The following SLX4IP variants were observed in gnomAD, a reference collection of about 807,000 sequenced individuals.
SLX4IP encodes SLX4 interacting protein, also known as protein SLX4IP.
In SLX4IP, 34 loss-of-function variants were observed where a neutral mutation model predicts 32.9. That is an observed-to-expected ratio of 1.03 (90% confidence interval 0.79 to 1.38). The LOEUF is 1.38. SLX4IP is among the 40% of genes most tolerant of loss of function. The pLI is 0.00. For missense variants in SLX4IP, 444 were observed against 479.0 expected (o/e 0.93, Z 0.68); for synonymous variants, 172 against 171.7 (o/e 1.00, Z -0.01).
chr20:10,476,143 T>TGC (rs3063253), intron 2 of SLX4IP, among the ~76,000 whole-genome samples: 58 of 13,574 alleles, frequency 4.3e-3, no homozygotes, highest in Non-Finnish European at 9.5e-3. Context: ...CATCCCTCAC[T>TGC]GTGTGTGTGT....
intron 2 of SLX4IP, among the ~76,000 whole-genome samples, chr20:10,481,172 T>A (rs868353801): frequency 6.6e-6 from 1 of 152,124 alleles, no homozygotes; most frequent in African/African-American, 2.4e-5. Flanking sequence ...TTGTATAAAT[T>A]TAGGGGGTTC....
intron 2 of SLX4IP, among the ~76,000 whole-genome samples, chr20:10,507,537 G>A (rs2065769789): frequency 6.6e-6 from 1 of 152,006 alleles, no homozygotes; most frequent in East Asian, 1.9e-4. Flanking sequence ...AATGAACCCA[G>A]CATAAACTTA....
At chr20:10,474,673 C>T (rs772017796) in intron 2 of SLX4IP, among the ~76,000 whole-genome samples, 7 of 152,238 alleles carry the variant, frequency 4.6e-5, no homozygotes, top group African/African-American at 9.6e-5. Context: ...TCTCCACTTC[C>T]GCCGGCCGCC....
intron 7 of SLX4IP, 151 bp downstream of exon 7, chr20:10,621,565 G>A (rs1568778810): frequency 1.5e-6 from 1 of 680,046 alleles, no homozygotes; most frequent in Non-Finnish European, 2.6e-6. Flanking sequence ...TGACTCTCTT[G>A]CTTTCTGGAC....
intron 1 of SLX4IP, among the ~76,000 whole-genome samples, chr20:10,439,213 T>C (rs191645628): frequency 9.0e-4 from 137 of 152,298 alleles, no homozygotes; most frequent in African/African-American, 2.8e-3. Context: ...AAAAACGTTT[T>C]TTTCTTTTTT....
At chr20:10,496,461 C>A (rs1332073113) in intron 2 of SLX4IP, among the ~76,000 whole-genome samples, 2 of 152,114 alleles carry the variant, frequency 1.3e-5, no homozygotes, top group Non-Finnish European at 2.9e-5. Context: ...GAGTCACAAA[C>A]AAATAGGAGT....
chr20:10,621,704 GAA>G (rs201369424), intron 7 of SLX4IP, among the ~76,000 whole-genome samples: 8 of 147,146 alleles, frequency 5.4e-5, no homozygotes, highest in Non-Finnish European at 1.1e-4. Context: ...GACAGATCTA[GAA>G]AAAAAAAAAT....
intron 2 of SLX4IP, among the ~76,000 whole-genome samples, chr20:10,536,674 A>G (rs2066048366): frequency 6.6e-6 from 1 of 152,224 alleles, no homozygotes; most frequent in African/African-American, 2.4e-5. Flanking sequence ...AATGCTACAA[A>G]CGTACTGAGT....
chr20:10,567,376 A>T (rs1011479956), intron 4 of SLX4IP, among the ~76,000 whole-genome samples: 2 of 152,158 alleles, frequency 1.3e-5, no homozygotes, highest in African/African-American at 4.8e-5. Context: ...ATGTTGTTTT[A>T]AAAGGGCTTG....
At chr20:10,503,085 C>A (rs1394717268) in intron 2 of SLX4IP, among the ~76,000 whole-genome samples, 1 of 152,020 alleles carries the variant, frequency 6.6e-6, no homozygotes, top group East Asian at 2.0e-4. Flanking sequence ...AGCATTGATA[C>A]AACTGTTGGC....
chr20:10,541,370 A>G (rs541874557), intron 2 of SLX4IP, among the ~76,000 whole-genome samples: 82 of 152,252 alleles, frequency 5.4e-4, no homozygotes, highest in African/African-American at 1.9e-3. Flanking sequence ...GAGGTTCCCA[A>G]TGTTGCTTGC....
chr20:10,580,431 T>A (rs1456205470), intron 4 of SLX4IP, among the ~76,000 whole-genome samples: 2 of 151,474 alleles, frequency 1.3e-5, no homozygotes, highest in African/African-American at 4.8e-5. Flanking sequence ...CTTGAATGTT[T>A]CCCATCCTTG....
intron 6 of SLX4IP, among the ~76,000 whole-genome samples, chr20:10,616,395 TAAATAAATAAATAAA>T (rs1397439933): frequency 2.5e-4 from 13 of 52,976 alleles, no homozygotes; most frequent in Admixed American, 1.8e-3. Flanking sequence ...AAAAATGAAA[TAAATAAATAAATAAA>T]TAAATAAATA....
At chr20:10,474,676 C>T (rs958171627) in intron 2 of SLX4IP, among the ~76,000 whole-genome samples, 6 of 152,248 alleles carry the variant, frequency 3.9e-5, no homozygotes, top group African/African-American at 9.6e-5. Flanking sequence ...CCACTTCCGC[C>T]GGCCGCCTTG....
chr20:10,593,723 A>G (rs2066738120), intron 4 of SLX4IP, among the ~76,000 whole-genome samples: 1 of 152,146 alleles, frequency 6.6e-6, no homozygotes, highest in Non-Finnish European at 1.5e-5. Flanking sequence ...GCAACACAGC[A>G]AGACCCTGTC....
At chr20:10,459,426 T>G (rs1210189562) in intron 2 of SLX4IP, among the ~76,000 whole-genome samples, 1 of 152,148 alleles carries the variant, frequency 6.6e-6, no homozygotes, top group Non-Finnish European at 1.5e-5. Context: ...TTTGGGGACT[T>G]GACAATTTTA....
At chr20:10,474,976 T>A (rs893629479) in intron 2 of SLX4IP, among the ~76,000 whole-genome samples, 1 of 152,178 alleles carries the variant, frequency 6.6e-6, no homozygotes, top group Non-Finnish European at 1.5e-5. Context: ...CAGACTTGAG[T>A]AACACTCCTT....
At chr20:10,617,927 C>G (rs189064926) in intron 6 of SLX4IP, among the ~76,000 whole-genome samples, 4 of 152,270 alleles carry the variant, frequency 2.6e-5, no homozygotes, top group East Asian at 3.9e-4. Flanking sequence ...AAGCATGAAC[C>G]ACTGCGCCTG....
intron 4 of SLX4IP, among the ~76,000 whole-genome samples, chr20:10,575,315 G>A (rs1043014806): frequency 1.3e-5 from 2 of 152,266 alleles, no homozygotes; most frequent in East Asian, 3.9e-4. Context: ...ATTTATTCCA[G>A]CATGTTGGGA....
Sources: gnomAD v4.1 joint callset for allele counts (sites outside exome capture counted in the v4.1 genomes callset) on GRCh38, gnomAD v4.1.1 for gene constraint, MANE v1.5 for transcripts, NCBI Gene and HGNC (gene_info 2026-07-23, HGNC 2026-07-21) for gene names.